Variants in ACYP2 observed in about 807,000 individuals in gnomAD.
ACYP2 encodes the protein acylphosphatase 2.
A neutral mutation model predicts 11.2 loss-of-function variants in ACYP2; 12 were observed. The observed-to-expected ratio is 1.08, with a 90% confidence interval of 0.69 to 1.74. The LOEUF (loss-of-function observed/expected upper bound fraction) is 1.74, where lower values mean the gene tolerates loss of function less well. Among genes scored for constraint, ACYP2 ranks in the 40% most tolerant of loss-of-function variants. The pLI is 0.00. For synonymous variants in ACYP2, 43 were observed against 32.2 expected, an observed-to-expected ratio of 1.33 and a Z score of -1.13; for missense variants, 134 against 101.9, an observed-to-expected ratio of 1.31 and a Z score of -1.35.
intron 4 of ACYP2, among the ~76,000 whole-genome samples, chr2:54,084,325 C>T (rs2103670322): frequency 6.6e-6 from 1 of 152,278 alleles, no homozygotes; most frequent in East Asian, 1.9e-4. Context: ...GACGGAGTCT[C>T]ACTCTGTCGT....
intron 6 of ACYP2, among the ~76,000 whole-genome samples, chr2:54,276,720 C>A (rs1350696249): frequency 6.6e-5 from 10 of 151,154 alleles, no homozygotes; most frequent in Non-Finnish European, 1.5e-5. Context: ...CTTTCATAAT[C>A]TTTTGTTAAT....
intron 6 of ACYP2, among the ~76,000 whole-genome samples, chr2:54,207,205 G>GTGTGTGTGTGTGTA (rs1491080834): frequency 1.3e-5 from 2 of 150,682 alleles, no homozygotes; most frequent in East Asian, 3.9e-4. Context: ...GTGTGTGTGT[G>GTGTGTGTGTGTGTA]TATAAAGAGA....
At chr2:53,977,946 C>G (rs1182274256) in intron 2 of ACYP2, among the ~76,000 whole-genome samples, 1 of 151,972 alleles carries the variant, frequency 6.6e-6, no homozygotes, top group Non-Finnish European at 1.5e-5. Flanking sequence ...GCTGCCACAT[C>G]TAGAGCTGGA....
At chr2:54,118,968 C>T (rs1168750310) in intron 4 of ACYP2, among the ~76,000 whole-genome samples, 1 of 143,496 alleles carries the variant, frequency 7.0e-6, no homozygotes, top group African/African-American at 2.5e-5. Flanking sequence ...TCTCATTTAA[C>T]AGATGGAGAC....
At chr2:54,037,904 G>A (rs1174743755) in intron 2 of ACYP2, among the ~76,000 whole-genome samples, 1 of 152,166 alleles carries the variant, frequency 6.6e-6, no homozygotes, top group African/African-American at 2.4e-5. Flanking sequence ...TTTCAGGAAT[G>A]TGAAGGTGAC....
At chr2:54,216,223 A>G (rs1275065888) in intron 6 of ACYP2, among the ~76,000 whole-genome samples, 2 of 152,206 alleles carry the variant, frequency 1.3e-5, no homozygotes, top group Non-Finnish European at 1.5e-5. Flanking sequence ...ATTTAGTTCT[A>G]TGATCTATTT....
chr2:54,012,314 T>C (rs146619287), intron 2 of ACYP2, among the ~76,000 whole-genome samples: 4 of 151,640 alleles, frequency 2.6e-5, no homozygotes, highest in Non-Finnish European at 5.9e-5. Context: ...AAGACCAGTC[T>C]GAGAAACATA....
intron 6 of ACYP2, among the ~76,000 whole-genome samples, chr2:54,164,943 G>C (rs957523517): frequency 6.6e-6 from 1 of 152,166 alleles, no homozygotes; most frequent in Non-Finnish European, 1.5e-5. Flanking sequence ...TCCCGCTTAT[G>C]AGTGAGAACT....
At chr2:53,978,087 C>T (rs2104507810) in intron 2 of ACYP2, among the ~76,000 whole-genome samples, 1 of 151,950 alleles carries the variant, frequency 6.6e-6, no homozygotes, top group East Asian at 1.9e-4. Context: ...CGTGAAGAAA[C>T]CCCATCTCTA....
intron 2 of ACYP2, among the ~76,000 whole-genome samples, chr2:54,025,343 A>G (rs1223567335): frequency 6.6e-6 from 1 of 152,242 alleles, no homozygotes; most frequent in Non-Finnish European, 1.5e-5. Context: ...CTATAAGGCT[A>G]TAGTCACCAA....
intron 2 of ACYP2, among the ~76,000 whole-genome samples, chr2:54,047,444 C>G (rs578170422): frequency 3.3e-5 from 5 of 152,306 alleles, no homozygotes; most frequent in Non-Finnish European, 7.3e-5. Context: ...CCTGTCGAGT[C>G]ATTTTATTTG....
chr2:54,304,623 C>T, intron 6 of ACYP2, 65 bp from the exon 4 acceptor site: 3 of 1,130,166 alleles, frequency 2.7e-6, no homozygotes, highest in Admixed American at 4.2e-5. Context: ...CTACTGTGGG[C>T]TCATTTTAGC....
At chr2:54,283,646 A>G (rs1688943294) in intron 6 of ACYP2, among the ~76,000 whole-genome samples, 1 of 152,256 alleles carries the variant, frequency 6.6e-6, no homozygotes, top group Non-Finnish European at 1.5e-5. Flanking sequence ...TAGGAGTTTT[A>G]CAAGTAAATA....
intron 6 of ACYP2, among the ~76,000 whole-genome samples, chr2:54,265,148 C>T (rs1220713326): frequency 6.6e-6 from 1 of 152,108 alleles, no homozygotes; most frequent in African/African-American, 2.4e-5. Context: ...TCCATTTTCT[C>T]ACTGCTGATA....
intron 2 of ACYP2, among the ~76,000 whole-genome samples, chr2:53,991,214 A>G (rs997773674): frequency 6.6e-6 from 1 of 152,232 alleles, no homozygotes; most frequent in African/African-American, 2.4e-5. Context: ...GTTGCTGAGT[A>G]GCATTCTATG....
intron 2 of ACYP2, among the ~76,000 whole-genome samples, chr2:53,994,950 G>C (rs551603937): frequency 6.6e-6 from 1 of 152,306 alleles, no homozygotes; most frequent in Admixed American, 6.5e-5. Context: ...CTGAATTTGA[G>C]TTGGTATACC....
chr2:54,063,277 C>T (rs1336703474), intron 4 of ACYP2, among the ~76,000 whole-genome samples: 2 of 152,274 alleles, frequency 1.3e-5, no homozygotes, highest in South Asian at 2.1e-4. Flanking sequence ...TGAGCCACTG[C>T]ACCTGGCCAT....
At chr2:54,083,478 A>G (rs1426941846) in intron 4 of ACYP2, among the ~76,000 whole-genome samples, 1 of 152,178 alleles carries the variant, frequency 6.6e-6, no homozygotes, top group Admixed American at 6.5e-5. Context: ...GACAAAACCC[A>G]ATGGATTGCT....
chr2:54,130,013 T>C (rs1680807064), intron 4 of ACYP2, among the ~76,000 whole-genome samples: 1 of 151,860 alleles, frequency 6.6e-6, no homozygotes, highest in African/African-American at 2.4e-5. Context: ...AATTCATTTA[T>C]TCAACAACCA....
Sources: allele counts gnomAD v4.1 joint callset (sites outside exome capture counted in the v4.1 genomes callset), GRCh38; gene constraint gnomAD v4.1.1; transcripts MANE v1.5; gene names NCBI Gene and HGNC (gene_info 2026-07-23, HGNC 2026-07-21).